LANCL1: variants seen among roughly 807,000 people sequenced by gnomAD.
The protein encoded by LANCL1 is glutathione S-transferase LANCL1.
A neutral mutation model predicts 50.6 loss-of-function variants in LANCL1; 50 were observed. The observed-to-expected ratio is 0.99, with a 90% CI of 0.79 to 1.25. The LOEUF is 1.25. Ranked by LOEUF, LANCL1 falls within the 50% of genes most tolerant of loss-of-function variation. The pLI, the probability that LANCL1 is intolerant of heterozygous loss-of-function variation, is 0.00. For synonymous variants in LANCL1, 188 were observed against 178.6 expected, an observed-to-expected ratio of 1.05 and a Z score of -0.42; for missense variants, 532 against 480.7, an observed-to-expected ratio of 1.11 and a Z score of -1.00.
intron 3 of LANCL1, among the ~76,000 whole-genome samples, chr2:210,466,983 T>C (rs1165735221): frequency 6.6e-6 from 1 of 151,948 alleles, no homozygotes; most frequent in African/African-American, 2.4e-5. Flanking sequence ...GATTTCAAGA[T>C]ATGAATCTTG....
intron 5 of LANCL1, 152 bp downstream of exon 5, chr2:210,441,156 A>T: frequency 1.4e-6 from 1 of 716,102 alleles, no homozygotes; most frequent in Non-Finnish European, 2.3e-6. Flanking sequence ...GTAGAAAGCT[A>T]TTGGTTCTTG....
Position 210,476,378 on chromosome 2 carries a change from G to C in LANCL1, c.19C>G (p.Pro7Ala). The change falls in exon 2 of 10, where the codon CCG becomes GCG. Residue 7 changes from proline to alanine, a missense_variant. Physicochemically the swap from Pro to Ala is conservative, Grantham distance 27. Coordinates refer to ENST00000450366, the MANE Select transcript of LANCL1 (RefSeq NM_006055.3). MAQRAFPNPYADYNKSL... is the reference protein window; with the variant it reads MAQRAFANPYADYNKSL... ...TTGTTATAATCAGCATAAGGATTCG[G>C]GAAGGCCCTTTGAGCCATGACGCCG... The C allele has an allele frequency of 6.2e-7, 1 of 1,614,030 alleles. No individual in the cohort carries two copies. The highest frequency in any genetic ancestry group is 1.7e-5 in the Admixed American group (1 of 60,028).
chr2:210,456,610 T>C (rs900592626), intron 3 of LANCL1, among the ~76,000 whole-genome samples: 7 of 152,092 alleles, frequency 4.6e-5, no homozygotes, highest in African/African-American at 1.7e-4. Context: ...TCACAAATGA[T>C]TGATGTCAAG....
intron 5 of LANCL1, 22 bp downstream of exon 5, chr2:210,441,286 T>C (rs1346756651): frequency 6.2e-7 from 1 of 1,606,954 alleles, no homozygotes; most frequent in Non-Finnish European, 8.5e-7. Context: ...AAAAGGCTCC[T>C]AAAAACACAA....
intron 4 of LANCL1, among the ~76,000 whole-genome samples, chr2:210,449,346 T>G (rs1439111283): frequency 6.6e-6 from 1 of 152,134 alleles, no homozygotes; most frequent in Non-Finnish European, 1.5e-5. Flanking sequence ...ATTGATGGAA[T>G]GTATCTCAAA....
upstream of LANCL1, chr2:210,476,768 C>G (rs554978985): frequency 2.9e-6 from 3 of 1,027,024 alleles, no homozygotes; most frequent in African/African-American, 5.1e-5. Flanking sequence ...CCGCCCAGTT[C>G]CTGCCAGGAG....
At chr2:210,437,417 C>T (rs887357433) in intron 7 of LANCL1, among the ~76,000 whole-genome samples, 16 of 151,986 alleles carry the variant, frequency 1.1e-4, no homozygotes, top group African/African-American at 3.1e-4. Flanking sequence ...TTGGTTCTTT[C>T]GAGTACACAC....
intron 2 of LANCL1, 130 bp from the exon 3 acceptor site, chr2:210,472,206 A>G: frequency 1.6e-6 from 1 of 606,188 alleles, no homozygotes; most frequent in Admixed American, 2.8e-5. Context: ...AGACTAAACA[A>G]TTTATTTTCT....
At chr2:210,452,315 C>T (rs922864921) in intron 4 of LANCL1, among the ~76,000 whole-genome samples, 13 of 151,800 alleles carry the variant, frequency 8.6e-5, no homozygotes, top group South Asian at 6.3e-4. Flanking sequence ...AAAGCCAGAG[C>T]GCTTCATCAT....
chr2:210,469,039 T>A (rs1303788683), intron 3 of LANCL1: 1 of 152,186 alleles, frequency 6.6e-6, no homozygotes, highest in Non-Finnish European at 1.5e-5. Context: ...ATTGTAATAA[T>A]CATGCAGTTT....
chr2:210,433,948 C>G lies in LANCL1; in HGVS notation c.*539G>C, dbSNP rs1250989571. 2.0e-5 allele frequency: 3 copies of G among 152,128 alleles called. No individual in the cohort carries two copies. In the East Asian group the frequency reaches 5.8e-4, roughly 29 times the overall value. 9.4% of individuals were successfully genotyped at this position (152,128 alleles called of 1,614,324 possible). ...AAAAAATGATATTTAGGTACCAAGT[C>G]CAGATTGTAACTCTTGGAATTTTTC... On this transcript the variant is annotated 3_prime_UTR_variant, in exon 10 of 10. Transcript: ENST00000450366.
intron 3 of LANCL1, among the ~76,000 whole-genome samples, chr2:210,456,087 C>G (rs750724144): frequency 6.6e-6 from 1 of 152,086 alleles, no homozygotes; most frequent in Non-Finnish European, 1.5e-5. Context: ...ATTTCAAATG[C>G]CTGTCACAGT....
chr2:210,447,975 G>A (rs1446038556), intron 4 of LANCL1, among the ~76,000 whole-genome samples: 2 of 152,068 alleles, frequency 1.3e-5, no homozygotes, highest in Admixed American at 6.6e-5. Context: ...GGATATTCAC[G>A]ACTTAAACTC....
chr2:210,448,415 G>A (rs949531624), intron 4 of LANCL1, among the ~76,000 whole-genome samples: 29 of 152,004 alleles, frequency 1.9e-4, no homozygotes, highest in Non-Finnish European at 4.4e-5. Context: ...ATCTAAAATC[G>A]ACACCTTAAC....
At chr2:210,476,264 C>G (rs369239164) in intron 2 of LANCL1, 52 bp downstream of exon 2, 301 of 1,388,680 alleles carry the variant, frequency 2.2e-4, no homozygotes, top group Non-Finnish European at 3.0e-4. Context: ...GAGCACCTTT[C>G]CGAACACCGT....
chr2:210,441,333 T>G lies in LANCL1; in HGVS notation c.518A>C (p.Lys173Thr). ...CTGCTGAATATGGCTTTGAGGAATCTTTTCCACTCCAAAGTTCTTATTGAC... is the reference window on the plus strand; with the variant it reads ...CTGCTGAATATGGCTTTGAGGAATCGTTTCCACTCCAAAGTTCTTATTGAC... ...LFVNKNFGVEKIPQSHIQQIC... is the reference protein window; with the variant it reads ...LFVNKNFGVETIPQSHIQQIC... Residue 173 changes from lysine to threonine, a missense_variant, in exon 5 of 10, where the codon AAG becomes ACG. Lys to Thr is a moderately conservative substitution (Grantham distance 78). Transcript: ENST00000450366. The G allele has an allele frequency of 6.2e-7, 1 of 1,612,772 alleles. No individual in the cohort carries two copies. Among genetic ancestry groups the G allele is most frequent in the Non-Finnish European group, 8.5e-7 (1 of 1,179,212 alleles).
At chr2:210,437,196 A>G (rs1692962554) in intron 7 of LANCL1, among the ~76,000 whole-genome samples, 1 of 152,120 alleles carries the variant, frequency 6.6e-6, no homozygotes, top group African/African-American at 2.4e-5. Flanking sequence ...TTGTCCTTTT[A>G]TATCTATTTA....
At chr2:210,436,150 C>T (rs1559704708) in intron 8 of LANCL1, 66 bp downstream of exon 8, 1 of 1,430,470 alleles carries the variant, frequency 7.0e-7, no homozygotes, top group South Asian at 1.2e-5. Flanking sequence ...CTCAGCCTCC[C>T]AAAGTGCTGA....
chr2:210,476,917 C>T (rs1041927896), upstream of LANCL1: 2 of 625,154 alleles, frequency 3.2e-6, no homozygotes, highest in African/African-American at 2.0e-5. Context: ...CCTAGAATCA[C>T]GCGGAGATGT....
Sources: allele counts gnomAD v4.1 joint callset (sites outside exome capture counted in the v4.1 genomes callset), GRCh38; gene constraint gnomAD v4.1.1; transcripts MANE v1.5; gene names NCBI Gene and HGNC (gene_info 2026-07-23, HGNC 2026-07-21).